MAP3K9: variants seen among roughly 807,000 people sequenced by gnomAD.
MAP3K9 encodes the protein mitogen-activated protein kinase kinase kinase 9.
In MAP3K9, 46 loss-of-function variants were observed where a neutral mutation model predicts 95.8. The observed-to-expected ratio is 0.48, with a 90% CI of 0.38 to 0.61. The LOEUF (loss-of-function observed/expected upper bound fraction) is 0.61. MAP3K9 is among the 20% of genes least tolerant of loss of function. The pLI is 0.00. For missense variants in MAP3K9, 1,296 were observed against 1,474.3 expected (o/e 0.88, Z 1.98); for synonymous variants, 533 against 593.8 (o/e 0.90, Z 1.49).
intron 10 of MAP3K9, chr14:70,733,805 C>G: frequency 1.4e-6 from 1 of 718,342 alleles, no homozygotes. Context: ...AAGGCTAGAA[C>G]AAAGCAGGCA....
intron 5 of MAP3K9, among the ~76,000 whole-genome samples, chr14:70,747,324 G>C (rs2054161486): frequency 6.6e-6 from 1 of 152,168 alleles, no homozygotes. Context: ...CACGAGATCT[G>C]ATGGTTTTAC....
Position 70,747,875 on chromosome 14 carries a change from G to A in MAP3K9, c.1326+954C>T, listed in dbSNP as rs754102454. ...TGTAATCCCAGCCCTTTGGGAGGCC[G>A]AGGTGGGCGGATCACGAGGTCAGGA... On this transcript the variant is annotated intron_variant, in intron 5 of 11. Transcript: ENST00000554752. Among the ~76,000 whole-genome samples, 66 of 152,146 alleles carry A rather than the reference G, an allele frequency of 4.3e-4. 1 individual carries two copies. Among genetic ancestry groups the A allele is most frequent in the African/African-American group, 1.4e-3 (57 of 41,508 alleles).
In MAP3K9 at chr14:70,723,870, T is replaced by C. The variant is rs192668168; in HGVS notation, c.*6510A>G. 9.2e-5 allele frequency: 14 copies of C among 152,208 alleles called. No homozygotes were observed. Among genetic ancestry groups the C allele is most frequent in the African/African-American group, 3.4e-4 (14 of 41,520 alleles). 9.4% of individuals were successfully genotyped at this position (152,208 alleles called of 1,614,324 possible). A position where few individuals can be genotyped will look rare whatever the true frequency, so the allele number is the denominator to read the frequency against. On this transcript the variant is annotated 3_prime_UTR_variant, in exon 12 of 12. Coordinates refer to ENST00000554752, the MANE Select transcript of MAP3K9 (RefSeq NM_001284230.2). Reference sequence around the variant, plus strand: ...CATCTTTGCCTCACTCTGATGGTGATGAAGAAAAGAGCCACAGCCAGCATG... The same window carrying C: ...CATCTTTGCCTCACTCTGATGGTGACGAAGAAAAGAGCCACAGCCAGCATG...
intron 2 of MAP3K9, among the ~76,000 whole-genome samples, chr14:70,788,317 G>A (rs1442831937): frequency 5.3e-5 from 8 of 152,240 alleles, no homozygotes; most frequent in African/African-American, 1.9e-4. Flanking sequence ...AAGGGAATAA[G>A]TGTAGCAGAT....
At chr14:70,781,174 C>A (rs969076901) in intron 2 of MAP3K9, among the ~76,000 whole-genome samples, 1 of 152,232 alleles carries the variant, frequency 6.6e-6, no homozygotes, top group Non-Finnish European at 1.5e-5. Context: ...GACTTCTAAG[C>A]TAGATCAGAA....
Position 70,748,827 on chromosome 14 carries a change from A to T in MAP3K9, c.1326+2T>A. ...TTTTGTTGTTTTTTTTGTTTTGTTT[A>T]CCTTTTCTTTGGCCCTGAGTTGGTC... On this transcript the variant is annotated splice_donor_variant, in intron 5 of 11. Transcript: ENST00000554752. LOFTEE classifies it high-confidence loss of function. The T allele has an allele frequency of 6.3e-7, 1 of 1,581,666 alleles. No homozygotes were observed. Among genetic ancestry groups the T allele is most frequent in the Non-Finnish European group, 8.6e-7 (1 of 1,169,046 alleles).
rs531169101 is a variant in MAP3K9 at position 70,748,253 on chromosome 14, T to C, written c.1326+576A>G. Among the ~76,000 whole-genome samples, 20 of 152,268 alleles carry C rather than the reference T, an allele frequency of 1.3e-4. No individual in the cohort carries two copies. In the East Asian group the frequency reaches 3.5e-3, roughly 26 times the overall value. ...CTTCACCTGTGTGTACACTGACTGC[T>C]AGGGACACACTGAGGGAACAGAAAG... On this transcript the variant is annotated intron_variant, in intron 5 of 11. Transcript: ENST00000554752.
At chr14:70,761,984 A>C (rs9323548) in intron 2 of MAP3K9, among the ~76,000 whole-genome samples, 48,690 of 152,056 alleles carry the variant, frequency 0.32, 7,929 homozygotes, top group Admixed American at 0.35. Context: ...CCTAGTCTGA[A>C]TACTTCATGT....
rs202234944 is a variant in MAP3K9 at position 70,748,926 on chromosome 14, C to T, written c.1229G>A (p.Gly410Asp). 11 of 1,613,914 alleles carry T rather than the reference C, an allele frequency of 6.8e-6. No individual in the cohort carries two copies. The highest frequency in any genetic ancestry group is 3.3e-5 in the South Asian group (3 of 91,080). ...GGAGTCCTTGGGCATTTCAAAGAAACCAGACTCCTCTATGGTGGTTAGCTG... is the reference window on the plus strand; with the variant it reads ...GGAGTCCTTGGGCATTTCAAAGAAATCAGACTCCTCTATGGTGGTTAGCTG... Reference protein sequence around the residue: ...LDQLTTIEESGFFEMPKDSFH... With the variant: ...LDQLTTIEESDFFEMPKDSFH... The change falls in exon 5 of 12, where the codon GGT (glycine) becomes GAT (aspartate). Residue 410 changes from glycine (G) to aspartate (D), a missense_variant. Gly to Asp is a moderately conservative substitution (Grantham distance 94). Around this residue, in one of 5 missense-constraint regions of MAP3K9, gnomAD observed 136 missense variants for 221.5 expected, o/e 0.61. Coordinates refer to ENST00000554752, the MANE Select transcript of MAP3K9 (RefSeq NM_001284230.2).
chr14:70,797,317 G>A (rs2054875298), intron 2 of MAP3K9, among the ~76,000 whole-genome samples: 1 of 152,034 alleles, frequency 6.6e-6, no homozygotes, highest in Non-Finnish European at 1.5e-5. Context: ...ATACAAAGAA[G>A]TTATGGCTCC....
chr14:70,751,818 A>G (rs2054232058), intron 3 of MAP3K9, among the ~76,000 whole-genome samples: 2 of 152,226 alleles, frequency 1.3e-5, no homozygotes, highest in African/African-American at 2.4e-5. Flanking sequence ...GTGAATCTCT[A>G]CAACAATTCT....
intron 2 of MAP3K9, among the ~76,000 whole-genome samples, chr14:70,776,388 G>C (rs941568624): frequency 5.9e-5 from 9 of 152,106 alleles, no homozygotes; most frequent in African/African-American, 2.2e-4. Flanking sequence ...TTGATGGGCA[G>C]GAGAAGAAAC....
At chr14:70,792,866 A>G (rs1317338661) in intron 2 of MAP3K9, among the ~76,000 whole-genome samples, 1 of 152,216 alleles carries the variant, frequency 6.6e-6, no homozygotes, top group African/African-American at 2.4e-5. Flanking sequence ...GCTGAGGCCA[A>G]TGGGAAGACA....
At chr14:70,763,264 C>T (rs77275949) in intron 2 of MAP3K9, among the ~76,000 whole-genome samples, 6,340 of 152,286 alleles carry the variant, frequency 0.042, 135 homozygotes, top group East Asian at 0.094. Flanking sequence ...CAGTCATGCA[C>T]CGCATAATGA....
chr14:70,753,423 G>A (rs2054256614), intron 3 of MAP3K9, among the ~76,000 whole-genome samples: 2 of 152,190 alleles, frequency 1.3e-5, no homozygotes, highest in South Asian at 4.1e-4. Context: ...ATGGAAGGTG[G>A]GTGATATAAA....
chr14:70,773,747 C>A (rs2054559756), intron 2 of MAP3K9, among the ~76,000 whole-genome samples: 1 of 152,212 alleles, frequency 6.6e-6, no homozygotes, highest in Admixed American at 6.5e-5. Context: ...AGGACATGAT[C>A]ATGCCCCAAG....
At chr14:70,808,436 C>T (rs181615778) in intron 1 of MAP3K9, among the ~76,000 whole-genome samples, 1 of 19,064 alleles carries the variant, frequency 5.2e-5, no homozygotes, top group Non-Finnish European at 1.0e-4. Context: ...GAATGGGGGG[C>T]GGCGGGGGGG....
chr14:70,739,502 T>TCACACA (rs141869536), intron 7 of MAP3K9, among the ~76,000 whole-genome samples: 3,339 of 148,448 alleles, frequency 0.022, 39 homozygotes, highest in Middle Eastern at 0.038. Context: ...AGGTGTATGT[T>TCACACA]CACACACACA....
At chr14:70,794,323 G>C (rs2054838589) in intron 2 of MAP3K9, among the ~76,000 whole-genome samples, 1 of 152,204 alleles carries the variant, frequency 6.6e-6, no homozygotes, top group Admixed American at 6.5e-5. Flanking sequence ...GAATGAGTTG[G>C]TTGAAACCCA....
Sources: gnomAD v4.1 joint callset for allele counts (sites outside exome capture counted in the v4.1 genomes callset) on GRCh38, gnomAD v4.1.1 for gene constraint, gnomAD v4.1.1 regional missense constraint, MANE v1.5 for transcripts, NCBI Gene and HGNC (gene_info 2026-07-23, HGNC 2026-07-21) for gene names.